Variants in PSD2 observed in about 807,000 individuals in gnomAD.
PSD2 encodes the protein pleckstrin and Sec7 domain containing 2, also known as PH and SEC7 domain-containing protein 2.
In PSD2, 38 loss-of-function variants were observed where a neutral mutation model predicts 69.8. The ratio of observed to expected loss-of-function variants is 0.54; its 90% CI spans 0.42 to 0.71. PSD2 has a LOEUF of 0.71. Ranked by LOEUF, PSD2 falls within the 30% of genes least tolerant of loss-of-function variation. PSD2 has a pLI of 0.00. For synonymous variants in PSD2, 412 were observed against 423.0 expected (o/e 0.97, Z 0.32); for missense variants, 943 against 1,014.5 (o/e 0.93, Z 0.96).
chr5:139,840,272 G>A (rs1366350555), intron 14 of PSD2, 102 bp downstream of exon 14: 10 of 1,330,138 alleles, frequency 7.5e-6, no homozygotes, highest in East Asian at 2.4e-5. Flanking sequence ...GTGATAAAGG[G>A]GCTCATTGAT....
In PSD2 at chr5:139,837,135, C is replaced by G; in HGVS notation, c.1595-33C>G. On this transcript the variant is annotated intron_variant, in intron 10 of 14. Coordinates refer to ENST00000274710, the MANE Select transcript of PSD2 (RefSeq NM_032289.4). The surrounding 1 kb of genome is among the most constrained non-coding windows in gnomAD (Gnocchi z 5.0). Reference sequence around the variant, plus strand: ...GGGTTGGAGAGACTGCAGAGGGTGGCTGCAGCCACACTACCAGTGCCCTCC... The same window carrying G: ...GGGTTGGAGAGACTGCAGAGGGTGGGTGCAGCCACACTACCAGTGCCCTCC... 1 of 1,611,746 alleles carries G rather than the reference C, an allele frequency of 6.2e-7. No homozygotes were observed. The highest frequency in any genetic ancestry group is 1.1e-5 in the South Asian group (1 of 90,832).
chr5:139,792,110 G>A (rs139593713), upstream of PSD2, among the ~76,000 whole-genome samples: 1 of 151,608 alleles, frequency 6.6e-6, no homozygotes, highest in East Asian at 1.9e-4. Context: ...GAGGTGGGAA[G>A]TGTCAGGAGA....
Position 139,833,728 on chromosome 5 carries a change from G to C in PSD2, c.1296G>C (p.Gln432His). 5 of 1,614,028 alleles carry C rather than the reference G, an allele frequency of 3.1e-6. No homozygotes were observed. The highest frequency in any genetic ancestry group is 4.2e-6 in the Non-Finnish European group (5 of 1,179,900). The change falls in exon 8 of 15, where the codon CAG becomes CAC. Residue 432 changes from glutamine to histidine, a missense_variant. This residue lies in a region of PSD2 where 312 missense variants were observed against 400.7 expected (regional missense o/e 0.78). Transcript: ENST00000274710. ...ACATTGGCAAAAAGATGTCCTGTCA[G>C]CAATTCATTGCCAACTTGGACCAGC... ...GHNIGKKMSC[Q>H]QFIANLDQLN...
At chr5:139,757,752 C>T in the PSD2 span, among the ~76,000 whole-genome samples, 1 of 152,304 alleles carries the variant, frequency 6.6e-6, no homozygotes, top group South Asian at 2.1e-4. Flanking sequence ...CTTGAGGACA[C>T]CAGCCGGCAA....
At chr5:139,783,764 G>A in the PSD2 span, among the ~76,000 whole-genome samples, 1 of 152,066 alleles carries the variant, frequency 6.6e-6, no homozygotes, top group Non-Finnish European at 1.5e-5. Context: ...GAGATTTTCA[G>A]CTCTTGTTTC....
At chr5:139,743,487 GCTGT>G in the PSD2 span, among the ~76,000 whole-genome samples, 284 of 152,246 alleles carry the variant, frequency 1.9e-3, no homozygotes, top group African/African-American at 6.3e-3. Context: ...GAGGTGAGAG[GCTGT>G]CTGAGTTTGC....
chr5:139,838,248 A>T (rs1335121953), intron 12 of PSD2, among the ~76,000 whole-genome samples: 1 of 152,166 alleles, frequency 6.6e-6, no homozygotes, highest in East Asian at 1.9e-4. Flanking sequence ...AGGCCTCAGG[A>T]TCACAGTGCC....
At chr5:139,766,935 T>C in the PSD2 span, among the ~76,000 whole-genome samples, 7 of 71,234 alleles carry the variant, frequency 9.8e-5, no homozygotes, top group Admixed American at 5.6e-4. Context: ...CTTCCCTTCT[T>C]TCTTTCTTTC....
intron 7 of PSD2, among the ~76,000 whole-genome samples, chr5:139,824,773 G>A (rs113363248): frequency 2.6e-5 from 4 of 152,108 alleles, no homozygotes; most frequent in Non-Finnish European, 5.9e-5. Flanking sequence ...AAGGCCTGGC[G>A]GTTGCAGTTA....
chr5:139,782,218 T>G, the PSD2 span, among the ~76,000 whole-genome samples: 1 of 151,546 alleles, frequency 6.6e-6, no homozygotes, highest in Non-Finnish European at 1.5e-5. Flanking sequence ...AGTTTCACTC[T>G]TGTTGCCCAG....
chr5:139,748,591 C>A, the PSD2 span, among the ~76,000 whole-genome samples: 12 of 152,266 alleles, frequency 7.9e-5, no homozygotes, highest in Admixed American at 5.9e-4. Context: ...TGTGCACACT[C>A]ATTCCCAAGA....
upstream of PSD2, among the ~76,000 whole-genome samples, chr5:139,792,028 C>T (rs1171034227): frequency 6.6e-6 from 1 of 152,128 alleles, no homozygotes; most frequent in Non-Finnish European, 1.5e-5. Context: ...GAGAGCCTGC[C>T]TAAGCAAAGG....
chr5:139,802,505 C>A (rs532294188), intron 1 of PSD2, among the ~76,000 whole-genome samples: 1 of 151,624 alleles, frequency 6.6e-6, no homozygotes, highest in Admixed American at 6.5e-5. Flanking sequence ...AGCCTGTGGG[C>A]TCCATGAGCC....
chr5:139,824,579 G>T (rs1018410673), intron 7 of PSD2, among the ~76,000 whole-genome samples: 2 of 151,956 alleles, frequency 1.3e-5, no homozygotes, highest in Non-Finnish European at 2.9e-5. Context: ...TGTATTTTTA[G>T]TAGAGATGTC....
the PSD2 span, among the ~76,000 whole-genome samples, chr5:139,768,070 G>A: frequency 6.6e-6 from 1 of 152,266 alleles, no homozygotes. Context: ...CCCCCGCCAG[G>A]GAGGGCAAAG....
chr5:139,827,674 T>C (rs1760461826), intron 7 of PSD2, among the ~76,000 whole-genome samples: 1 of 152,204 alleles, frequency 6.6e-6, no homozygotes, highest in Non-Finnish European at 1.5e-5. Flanking sequence ...TTGGGAGGCC[T>C]CAGGAAACTT....
In PSD2 at chr5:139,814,158, T is replaced by A; in HGVS notation, c.822-12T>A. On this transcript the variant is annotated splice_polypyrimidine_tract_variant and intron_variant, in intron 3 of 14. Coordinates refer to ENST00000274710, the MANE Select transcript of PSD2 (RefSeq NM_032289.4). The surrounding 1 kb of genome is among the most constrained non-coding windows in gnomAD (Gnocchi z 4.4). ...CTCTGACGCTACTCTTCCACCCACC[T>A]TCCATCTGCAGTGACCCCAGCCTGA... 2 of 1,610,236 alleles carry A rather than the reference T, an allele frequency of 1.2e-6. No individual in the cohort carries two copies. Among genetic ancestry groups the A allele is most frequent in the Non-Finnish European group, 1.7e-6 (2 of 1,178,634 alleles).
chr5:139,818,956 C>T (rs1760190091), intron 5 of PSD2, among the ~76,000 whole-genome samples: 1 of 152,128 alleles, frequency 6.6e-6, no homozygotes, highest in African/African-American at 2.4e-5. Flanking sequence ...CCACCTTTCC[C>T]TCTCTTTTTT....
the PSD2 span, among the ~76,000 whole-genome samples, chr5:139,785,959 T>C: frequency 6.6e-6 from 1 of 151,924 alleles, no homozygotes; most frequent in East Asian, 1.9e-4. Flanking sequence ...AGTGGTGGCA[T>C]ACACCCGCGG....
Sources: gnomAD v4.1 joint callset for allele counts (sites outside exome capture counted in the v4.1 genomes callset) on GRCh38, gnomAD v4.1.1 for gene constraint, gnomAD v4.1.1 regional missense constraint, Gnocchi (gnomAD v3.1) non-coding constraint, MANE v1.5 for transcripts, NCBI Gene and HGNC (gene_info 2026-07-23, HGNC 2026-07-21) for gene names.